The following AUTS2 variants were observed in gnomAD, a reference collection of about 807,000 sequenced individuals.
The protein encoded by AUTS2 is autism susceptibility gene 2 protein.
In AUTS2, 17 loss-of-function variants were observed where a neutral mutation model predicts 112.4. The observed-to-expected ratio is 0.15, with a 90% CI of 0.10 to 0.23. AUTS2 has a LOEUF of 0.23. Ranked by LOEUF, AUTS2 falls within the 10% of genes least tolerant of loss-of-function variation. The probability of loss-of-function intolerance (pLI) is 1.00; values close to 1 mark genes in which losing one functional copy is unlikely to be tolerated. For synonymous variants in AUTS2, 751 were observed against 702.7 expected, an observed-to-expected ratio of 1.07 and a Z score of -1.09; for missense variants, 1,510 against 1,701.6, an observed-to-expected ratio of 0.89 and a Z score of 1.98.
chr7:70,071,568 C>T (rs1351217839), intron 2 of AUTS2, among the ~76,000 whole-genome samples: 3 of 152,170 alleles, frequency 2.0e-5, no homozygotes, highest in African/African-American at 7.2e-5. Context: ...TAGCAGGTGA[C>T]TTGAGGGTGG....
intron 2 of AUTS2, among the ~76,000 whole-genome samples, chr7:70,078,240 A>G (rs747149891): frequency 6.6e-6 from 1 of 152,046 alleles, no homozygotes; most frequent in South Asian, 2.1e-4. Context: ...TTTTAATATG[A>G]TAACCAAGAC....
intron 2 of AUTS2, among the ~76,000 whole-genome samples, chr7:70,018,328 T>C (rs1174041749): frequency 6.6e-6 from 1 of 152,188 alleles, no homozygotes; most frequent in Non-Finnish European, 1.5e-5. Flanking sequence ...AAAGTGCAGC[T>C]GGATCAATCA....
intron 4 of AUTS2, among the ~76,000 whole-genome samples, chr7:70,396,344 T>C (rs1794081831): frequency 6.6e-6 from 1 of 152,222 alleles, no homozygotes; most frequent in South Asian, 2.1e-4. Flanking sequence ...TGTATACTTT[T>C]TTGTGCTCTC....
chr7:70,032,010 A>G (rs1359211388), intron 2 of AUTS2, among the ~76,000 whole-genome samples: 1 of 152,156 alleles, frequency 6.6e-6, no homozygotes. Context: ...ACATTTTCCC[A>G]CAGAAACAGT....
In AUTS2 at chr7:70,792,557, G is replaced by GT. The variant is rs1297158520; in HGVS notation, c.*1562dup. The GT allele has an allele frequency of 2.1e-5, 3 of 145,534 alleles. No individual in the cohort carries two copies. The highest frequency in any genetic ancestry group is 5.0e-5 in the African/African-American group (2 of 39,924). The allele number at this position is 145,534 out of a possible 1,614,324, so 9.0% of individuals were successfully genotyped here. ...ATAAGCAGAGAGATCTATTTTAGTA[G>GT]TAAACTGAAGGTTTAGTTGTGAGCT... On this transcript the variant is annotated 3_prime_UTR_variant, in exon 19 of 19. Transcript: ENST00000342771.
At chr7:69,814,585 C>T (rs1463833047) in intron 1 of AUTS2, among the ~76,000 whole-genome samples, 1 of 152,262 alleles carries the variant, frequency 6.6e-6, no homozygotes, top group Middle Eastern at 3.2e-3. Flanking sequence ...TGGAGCCGCT[C>T]TAACCCAGTG....
At chr7:70,138,992 G>A (rs536969196) in intron 4 of AUTS2, among the ~76,000 whole-genome samples, 1 of 151,922 alleles carries the variant, frequency 6.6e-6, no homozygotes, top group Non-Finnish European at 1.5e-5. Context: ...TTTTGACAGG[G>A]TCTCACTGTG....
At chr7:70,261,911 A>G (rs1206007267) in intron 4 of AUTS2, among the ~76,000 whole-genome samples, 2 of 152,184 alleles carry the variant, frequency 1.3e-5, no homozygotes, top group African/African-American at 2.4e-5. Context: ...TATTTGGCTT[A>G]TAGTTTTTTC....
chr7:69,977,009 T>C (rs1165445324), intron 2 of AUTS2, among the ~76,000 whole-genome samples: 2 of 152,196 alleles, frequency 1.3e-5, no homozygotes, highest in African/African-American at 4.8e-5. Context: ...CCAAGAAAGA[T>C]TGTCAAATCC....
At chr7:69,989,384 G>C (rs1798645518) in intron 2 of AUTS2, among the ~76,000 whole-genome samples, 1 of 152,176 alleles carries the variant, frequency 6.6e-6, no homozygotes, top group South Asian at 2.1e-4. Context: ...CAAAATTCTA[G>C]ATTAGGTAGA....
chr7:70,206,615 A>C (rs958183661), intron 4 of AUTS2, among the ~76,000 whole-genome samples: 1 of 152,194 alleles, frequency 6.6e-6, no homozygotes, highest in African/African-American at 2.4e-5. Flanking sequence ...GGATGAAATG[A>C]GGTCATATAT....
At chr7:70,377,642 C>T (rs1343672755) in intron 4 of AUTS2, among the ~76,000 whole-genome samples, 1 of 151,810 alleles carries the variant, frequency 6.6e-6, no homozygotes, top group Non-Finnish European at 1.5e-5. Flanking sequence ...TCCATTCTTC[C>T]TTCCCCAACC....
chr7:70,782,690 C>T (rs1485387347), intron 15 of AUTS2: 1 of 152,174 alleles, frequency 6.6e-6, no homozygotes, highest in East Asian at 1.9e-4. Context: ...ATTTATTCTT[C>T]TGGACGTAAG....
At position 69,936,103 on chromosome 7, in the gene AUTS2, A is replaced by G. The variant is rs530177216; in HGVS notation, c.522+36605A>G. ...AAATTCTTGTCCTCTAATGGGATTG[A>G]GCCTTTGTGGAAAGAGTGTCACCTG... On this transcript the variant is annotated intron_variant, in intron 2 of 18. Coordinates refer to ENST00000342771, the MANE Select transcript of AUTS2 (RefSeq NM_015570.4). 2.6e-5 allele frequency among the ~76,000 whole-genome samples: 4 copies of G among 152,350 alleles called. 1 individual carries two copies. The South Asian group carries it at 8.3e-4, about 32-fold the overall frequency.
rs541998356 is a variant in AUTS2, at chr7:70,656,372, A to G, written c.691-42197A>G. 7.2e-5 allele frequency among the ~76,000 whole-genome samples: 11 copies of G among 152,262 alleles called. No individual in the cohort carries two copies. In the East Asian group the frequency reaches 2.1e-3, roughly 29 times the overall value. ...AATTTCATGGAATAGTTTAAATATT[A>G]TTTAATTCCATGGTCTAAACTATTG... is the stretch of plus-strand genomic sequence containing the variant. On this transcript the variant is annotated intron_variant, in intron 5 of 18. Transcript: ENST00000342771.
intron 4 of AUTS2, among the ~76,000 whole-genome samples, chr7:70,332,183 G>A (rs2129619596): frequency 6.6e-6 from 1 of 152,232 alleles, no homozygotes; most frequent in Non-Finnish European, 1.5e-5. Flanking sequence ...CAAACAGAGA[G>A]CCAAATCATG....
At chr7:70,729,725 A>G (rs945458322) in intron 6 of AUTS2, among the ~76,000 whole-genome samples, 2 of 152,194 alleles carry the variant, frequency 1.3e-5, no homozygotes, top group Admixed American at 6.5e-5. Flanking sequence ...GCCAGGCCTC[A>G]AGTGCCCTCC....
intron 4 of AUTS2, among the ~76,000 whole-genome samples, chr7:70,263,255 A>G (rs1009413386): frequency 3.6e-4 from 55 of 152,290 alleles, no homozygotes; most frequent in Admixed American, 2.8e-3. Context: ...TAATATAGGG[A>G]TATCCAATAT....
intron 5 of AUTS2, among the ~76,000 whole-genome samples, chr7:70,512,501 G>A (rs903669840): frequency 1.2e-4 from 18 of 152,106 alleles, no homozygotes; most frequent in Admixed American, 7.9e-4. Flanking sequence ...TTCAGATTAG[G>A]GAGTGACAGG....
Sources: allele counts gnomAD v4.1 joint callset (sites outside exome capture counted in the v4.1 genomes callset), GRCh38; gene constraint gnomAD v4.1.1; transcripts MANE v1.5; gene names NCBI Gene and HGNC (gene_info 2026-07-23, HGNC 2026-07-21).